Variants in PPP2R2B observed in about 807,000 individuals in gnomAD.
PPP2R2B encodes the protein serine/threonine-protein phosphatase 2A 55 kDa regulatory subunit B beta isoform.
A neutral mutation model predicts 46.0 loss-of-function variants in PPP2R2B; 5 were observed. That is an observed-to-expected ratio of 0.11 (90% CI 0.06 to 0.23). The LOEUF (loss-of-function observed/expected upper bound fraction) is 0.23. Among genes scored for constraint, PPP2R2B ranks in the 10% least tolerant of loss-of-function variants. PPP2R2B has a pLI of 1.00. For synonymous variants in PPP2R2B, 215 were observed against 206.7 expected (o/e 1.04, Z -0.34); for missense variants, 367 against 575.0 (o/e 0.64, Z 3.70).
chr5:146,784,746 C>A (rs916489744), intron 2 of PPP2R2B, among the ~76,000 whole-genome samples: 26 of 152,242 alleles, frequency 1.7e-4, no homozygotes, highest in African/African-American at 5.3e-4. Context: ...AAACATTGTC[C>A]ATTTTTCTAG....
chr5:146,886,172 A>G (rs1249929261), intron 1 of PPP2R2B, among the ~76,000 whole-genome samples: 3 of 151,876 alleles, frequency 2.0e-5, no homozygotes, highest in African/African-American at 4.8e-5. Flanking sequence ...CCCCGTCTCT[A>G]CTAAAAATAC....
intron 2 of PPP2R2B, among the ~76,000 whole-genome samples, chr5:146,746,903 C>A (rs898512769): frequency 3.9e-5 from 6 of 152,188 alleles, no homozygotes; most frequent in African/African-American, 1.4e-4. Context: ...GGAAGGCCAA[C>A]CTAACAAGTT....
intron 1 of PPP2R2B, among the ~76,000 whole-genome samples, chr5:146,902,548 A>C (rs891596254): frequency 2.0e-5 from 3 of 152,238 alleles, no homozygotes; most frequent in African/African-American, 7.2e-5. Flanking sequence ...AAAAATCCTG[A>C]GGTCTGGCTC....
chr5:146,735,169 A>G (rs1242443274), intron 2 of PPP2R2B, among the ~76,000 whole-genome samples: 1 of 152,218 alleles, frequency 6.6e-6, no homozygotes, highest in African/African-American at 2.4e-5. Flanking sequence ...GCCGATGATA[A>G]TAAATTGGGT....
At chr5:146,732,764 C>T (rs1752308901) in intron 2 of PPP2R2B, among the ~76,000 whole-genome samples, 1 of 152,114 alleles carries the variant, frequency 6.6e-6, no homozygotes, top group Non-Finnish European at 1.5e-5. Context: ...GTGTCAAGTG[C>T]TCAGCTACAA....
In PPP2R2B at chr5:146,707,497, G is replaced by A. The variant is rs116006835; in HGVS notation, c.71-6355C>T. The A allele has an allele frequency of 2.0e-3, 1,468 of 739,698 alleles. 12 individuals are homozygous for A. The highest frequency in any genetic ancestry group is 0.018 in the African/African-American group (1,069 of 58,284). The allele number at this position is 739,698 out of a possible 1,614,324, so 45.8% of individuals were successfully genotyped here. On this transcript the variant is annotated intron_variant, in intron 2 of 9. Transcript: ENST00000394411. Reference sequence around the variant, plus strand: ...TGCTGCCCACTCAGGAGAAGCTCAAGGAGCTGATGCAGACACCAGGCCCAC... The same window carrying A: ...TGCTGCCCACTCAGGAGAAGCTCAAAGAGCTGATGCAGACACCAGGCCCAC...
At position 147,053,545 on chromosome 5, in the gene PPP2R2B, A is replaced by AACAC. The variant is rs5872002; in HGVS notation, c.79+2116_79+2119dup. On this transcript the variant is annotated intron_variant, in intron 1 of 8. Transcript: ENST00000336640. ...GGGTGACACGATTGCCAACAATATA[A>AACAC]ACACACACACACACACACACACACA... Among the ~76,000 whole-genome samples the AACAC allele has an allele frequency of 6.1e-3, 900 of 148,628 alleles. 11 individuals carry two copies. The highest frequency in any genetic ancestry group is 0.019 in the African/African-American group (760 of 40,578).
chr5:146,914,771 G>A (rs1001825291), intron 1 of PPP2R2B, among the ~76,000 whole-genome samples: 5 of 152,204 alleles, frequency 3.3e-5, no homozygotes, highest in African/African-American at 1.2e-4. Flanking sequence ...GCTACATAAT[G>A]TAGACAGCAG....
intron 1 of PPP2R2B, among the ~76,000 whole-genome samples, chr5:146,933,493 A>G (rs1764033616): frequency 6.6e-6 from 1 of 152,104 alleles, no homozygotes; most frequent in Admixed American, 6.6e-5. Context: ...TCTTGAGAAA[A>G]AAACAAGAGA....
intron 2 of PPP2R2B, among the ~76,000 whole-genome samples, chr5:146,714,289 T>G (rs1434114951): frequency 6.6e-6 from 1 of 152,148 alleles, no homozygotes; most frequent in Non-Finnish European, 1.5e-5. Flanking sequence ...GAGTAATGTA[T>G]AGTTTCTATG....
intron 2 of PPP2R2B, among the ~76,000 whole-genome samples, chr5:146,779,558 C>T (rs1755385426): frequency 6.6e-6 from 1 of 152,138 alleles, no homozygotes; most frequent in African/African-American, 2.4e-5. Flanking sequence ...AGTGGTACCA[C>T]TGAAGCATGC....
At chr5:147,058,559 G>A (rs1029944869), upstream of PPP2R2B, among the ~76,000 whole-genome samples, 3 of 152,082 alleles carry the variant, frequency 2.0e-5, no homozygotes, top group African/African-American at 7.2e-5. Flanking sequence ...TAGAACTCAA[G>A]TCCCAAATAG....
chr5:146,808,212 G>T (rs945693213), intron 2 of PPP2R2B, among the ~76,000 whole-genome samples: 1 of 152,086 alleles, frequency 6.6e-6, no homozygotes, highest in African/African-American at 2.4e-5. Flanking sequence ...TTAATCAGTA[G>T]CCACATACAG....
At chr5:146,722,933 C>T (rs1156867497) in intron 2 of PPP2R2B, among the ~76,000 whole-genome samples, 2 of 152,136 alleles carry the variant, frequency 1.3e-5, no homozygotes, top group African/African-American at 2.4e-5. Context: ...CAGGTCCTTG[C>T]TCCTCTTTGG....
chr5:147,057,118 G>A (rs180855220), upstream of PPP2R2B, among the ~76,000 whole-genome samples: 20 of 152,266 alleles, frequency 1.3e-4, no homozygotes, highest in African/African-American at 4.8e-4. Flanking sequence ...CTCCCCAGGA[G>A]GGAAAAAACA....
intron 2 of PPP2R2B, among the ~76,000 whole-genome samples, chr5:146,711,447 T>A (rs1237558511): frequency 6.6e-6 from 1 of 152,204 alleles, no homozygotes; most frequent in Non-Finnish European, 1.5e-5. Context: ...TTTGGAATAG[T>A]GAGTGTTTGA....
chr5:146,862,804 A>G (rs1761082698), intron 2 of PPP2R2B, among the ~76,000 whole-genome samples: 1 of 150,774 alleles, frequency 6.6e-6, no homozygotes, highest in Admixed American at 6.6e-5. Context: ...GCCAATGTCT[A>G]CATCAAGGCC....
chr5:146,777,825 G>C (rs1436885869), intron 2 of PPP2R2B, among the ~76,000 whole-genome samples: 1 of 152,060 alleles, frequency 6.6e-6, no homozygotes, highest in African/African-American at 2.4e-5. Context: ...AAATGTAATT[G>C]GTTAAATTGT....
chr5:147,080,114 G>A (rs1015315569), intron 2 of PPP2R2B, among the ~76,000 whole-genome samples: 11 of 152,242 alleles, frequency 7.2e-5, no homozygotes, highest in African/African-American at 2.6e-4. Flanking sequence ...TAAATAAACT[G>A]CCTCTTTCAA....
Sources: allele counts gnomAD v4.1 joint callset (sites outside exome capture counted in the v4.1 genomes callset), GRCh38; gene constraint gnomAD v4.1.1; transcripts MANE v1.5; gene names NCBI Gene and HGNC (gene_info 2026-07-23, HGNC 2026-07-21).